The following CYBC1 variants were observed in gnomAD, a reference collection of about 807,000 sequenced individuals.
CYBC1 encodes essential for reactive oxygen species protein.
A neutral mutation model predicts 21.7 loss-of-function variants in CYBC1; 22 were observed. The observed-to-expected ratio is 1.02, with a 90% CI of 0.73 to 1.45. The LOEUF (loss-of-function observed/expected upper bound fraction) is 1.45, where lower values mean the gene tolerates loss of function less well. Ranked by LOEUF, CYBC1 falls within the 40% of genes most tolerant of loss-of-function variation. CYBC1 has a pLI of 0.00. For missense variants in CYBC1, 237 were observed against 242.1 expected (o/e 0.98, Z 0.14); for synonymous variants, 112 against 98.7 (o/e 1.13, Z -0.80).
In CYBC1 at chr17:82,445,858, A is replaced by T; in HGVS notation, c.298+6T>A. 6.2e-7 allele frequency: 1 copy of T among 1,606,160 alleles called. No homozygotes were observed. The highest frequency in any genetic ancestry group is 8.5e-7 in the Non-Finnish European group (1 of 1,175,972). On this transcript the variant is annotated splice_donor_region_variant and intron_variant, in intron 5 of 6. Transcript: ENST00000306645. ...GTCCCATGTCCCCACGCTCCCCACG[A>T]CTCACCCTGGTCGTGGCCAGCTCTG...
At chr17:82,447,284 C>T (rs1170467029) in intron 3 of CYBC1, 13 of 442,956 alleles carry the variant, frequency 2.9e-5, no homozygotes, top group Admixed American at 7.8e-5. Context: ...ACCCGGGAGG[C>T]GGAGCTTGCA....
At position 82,445,806 on chromosome 17, in the gene CYBC1, G is replaced by A. The variant is rs753355791; in HGVS notation, c.298+58C>T. On this transcript the variant is annotated intron_variant, in intron 5 of 6. Transcript: ENST00000306645. ...TCTAGGCCCCGTGAGTCACCCAGAC[G>A]CCCAAGTGCGCCGCCTCTGTGGCCG... The A allele has an allele frequency of 3.6e-5, 48 of 1,343,230 alleles. No individual in the cohort carries two copies. The South Asian group carries it at 3.8e-4, about 11-fold the overall frequency. 83.2% of individuals were successfully genotyped at this position (1,343,230 alleles called of 1,614,324 possible). A position where few individuals can be genotyped will look rare whatever the true frequency, so the allele number is the denominator to read the frequency against.
intron 4 of CYBC1, among the ~76,000 whole-genome samples, chr17:82,446,263 A>G (rs887473341): frequency 7.2e-5 from 11 of 152,194 alleles, no homozygotes; most frequent in Admixed American, 6.5e-4. Context: ...TGGAGGTCAG[A>G]GGGCAGCACT....
At position 82,444,135 on chromosome 17, in the gene CYBC1, C is replaced by G; in HGVS notation, c.444-11G>C. ...ATGGCTTCCACATCACTGGGCGAGG[C>G]CGGCAACGGGAGGAAGGTCAGGTCA... On this transcript the variant is annotated splice_polypyrimidine_tract_variant and intron_variant, in intron 6 of 6. Transcript: ENST00000306645. 6.2e-7 allele frequency: 1 copy of G among 1,607,016 alleles called. No homozygotes were observed. Among genetic ancestry groups the G allele is most frequent in the Non-Finnish European group, 8.5e-7 (1 of 1,175,180 alleles).
At position 82,442,678 on chromosome 17, in the gene CYBC1, C is replaced by T. The variant is rs2054036374; in HGVS notation, c.*1326G>A. On this transcript the variant is annotated 3_prime_UTR_variant, in exon 7 of 7. Coordinates refer to ENST00000306645, the MANE Select transcript of CYBC1 (RefSeq NM_001033046.4). This position sits in a 1 kb window ranked among gnomAD's most constrained non-coding sequence, Gnocchi z 6.8. ...AGGGTTATTTATGGTTATGATGACCCTGTCCTGCAACGAGGGACTGGCAGC... is the reference window on the plus strand; with the variant it reads ...AGGGTTATTTATGGTTATGATGACCTTGTCCTGCAACGAGGGACTGGCAGC... 1 of 1,327,086 alleles carries T rather than the reference C, an allele frequency of 7.5e-7. No homozygotes were observed. The highest frequency in any genetic ancestry group is 1.5e-5 in the African/African-American group (1 of 68,560). The allele number at this position is 1,327,086 out of a possible 1,614,324, so 82.2% of individuals were successfully genotyped here.
At chr17:82,449,395 T>G in intron 1 of CYBC1, 103 bp from the exon 2 acceptor site, 1 of 528,194 alleles carries the variant, frequency 1.9e-6, no homozygotes, top group Non-Finnish European at 3.2e-6. Context: ...CCCAACTAAG[T>G]CACCTGCAGC....
Position 82,442,612 on chromosome 17 carries a change from TTC to T in CYBC1, c.*1390_*1391del. ...TTGTGATCTGCATGTGTGACACTGATTCTTTGGAAATAAAGAGTGGAAGCTGC... is the reference window on the plus strand; with the variant it reads ...TTGTGATCTGCATGTGTGACACTGATTTTGGAAATAAAGAGTGGAAGCTGC... On this transcript the variant is annotated 3_prime_UTR_variant, in exon 7 of 7. Coordinates refer to ENST00000306645, the MANE Select transcript of CYBC1 (RefSeq NM_001033046.4). The surrounding 1 kb of genome is among the most constrained non-coding windows in gnomAD (Gnocchi z 6.8). 1 of 1,546,780 alleles carries T rather than the reference TTC, an allele frequency of 6.5e-7. No individual in the cohort carries two copies. Among genetic ancestry groups the T allele is most frequent in the Non-Finnish European group, 8.8e-7 (1 of 1,140,030 alleles).
Position 82,447,641 on chromosome 17 carries a change from G to A in CYBC1, c.86-20C>T, listed in dbSNP as rs200415083. The A allele has an allele frequency of 2.1e-4, 326 of 1,583,332 alleles. No individual in the cohort carries two copies. Among genetic ancestry groups the A allele is most frequent in the Non-Finnish European group, 2.5e-4 (294 of 1,166,630 alleles). Reference sequence around the variant, plus strand: ...AGATTCCTATGAAGAGAAAGTGACTGCCTGCCTATTGATCCCGGTAAGACC... The same window carrying A: ...AGATTCCTATGAAGAGAAAGTGACTACCTGCCTATTGATCCCGGTAAGACC... On this transcript the variant is annotated intron_variant, in intron 2 of 6. Coordinates refer to ENST00000306645, the MANE Select transcript of CYBC1 (RefSeq NM_001033046.4).
intron 2 of CYBC1, chr17:82,448,043 C>T (rs962422627): frequency 2.2e-5 from 6 of 269,108 alleles, no homozygotes; most frequent in Non-Finnish European, 4.3e-5. Context: ...CGTGGTGAGG[C>T]CTGAAGACTG....
chr17:82,444,317 C>T (rs1424754651), intron 6 of CYBC1, 130 bp downstream of exon 6: 49 of 1,451,526 alleles, frequency 3.4e-5, no homozygotes, highest in East Asian at 2.1e-4. Context: ...ACACGCTTCC[C>T]GTGGGCCCCT....
At position 82,443,320 on chromosome 17, in the gene CYBC1, C is replaced by T. The variant is rs561359195; in HGVS notation, c.*684G>A. On this transcript the variant is annotated 3_prime_UTR_variant, in exon 7 of 7. Coordinates refer to ENST00000306645, the MANE Select transcript of CYBC1 (RefSeq NM_001033046.4). This position sits in a 1 kb window ranked among gnomAD's most constrained non-coding sequence, Gnocchi z 6.7. ...GAGGAACAGAGAGACCTTTCTGTGA[C>T]GACCGCTGGGGCAGAGTGGTCTATG... The T allele has an allele frequency of 1.0e-4, 41 of 399,496 alleles. 1 individual carries two copies. Among genetic ancestry groups the T allele is most frequent in the East Asian group, 5.8e-4 (10 of 17,274 alleles). 24.7% of individuals were successfully genotyped at this position (399,496 alleles called of 1,614,324 possible).
At chr17:82,445,646 A>C in intron 5 of CYBC1, 2 of 500,952 alleles carry the variant, frequency 4.0e-6, no homozygotes, top group Non-Finnish European at 7.2e-6. Flanking sequence ...CCTCTAAAGA[A>C]CCCAGGAGGC....
At position 82,443,504 on chromosome 17, in the gene CYBC1, C is replaced by T. The variant is rs1291688839; in HGVS notation, c.*500G>A. ...CTGGGGATGTCCACCAGGGAGAGGA[C>T]GCTGTGTCGGGGACAACATGCAGCA... On this transcript the variant is annotated 3_prime_UTR_variant, in exon 7 of 7. Coordinates refer to ENST00000306645, the MANE Select transcript of CYBC1 (RefSeq NM_001033046.4). The surrounding 1 kb of genome is among the most constrained non-coding windows in gnomAD (Gnocchi z 6.7). The T allele has an allele frequency of 8.6e-6, 6 of 697,430 alleles. No homozygotes were observed. The highest frequency in any genetic ancestry group is 2.0e-5 in the Admixed American group (1 of 49,790). 43.2% of individuals were successfully genotyped at this position (697,430 alleles called of 1,614,324 possible).
Position 82,443,893 on chromosome 17 carries a change from G to C in CYBC1, c.*111C>G. On this transcript the variant is annotated 3_prime_UTR_variant, in exon 7 of 7. Transcript: ENST00000306645. The surrounding 1 kb of genome is among the most constrained non-coding windows in gnomAD (Gnocchi z 6.7). Reference sequence around the variant, plus strand: ...GTCCTGTGGGCGGTGCACGGGCTCAGGCACACCGGGAATGTGCCACGGGTC... The same window carrying C: ...GTCCTGTGGGCGGTGCACGGGCTCACGCACACCGGGAATGTGCCACGGGTC... 1 of 636,314 alleles carries C rather than the reference G, an allele frequency of 1.6e-6. No homozygotes were observed. Among genetic ancestry groups the C allele is most frequent in the Non-Finnish European group, 2.7e-6 (1 of 365,116 alleles). 39.4% of individuals were successfully genotyped at this position (636,314 alleles called of 1,614,324 possible).
chr17:82,444,536 C>G lies in CYBC1; in HGVS notation c.354G>C (p.Arg118=). 6.2e-7 allele frequency: 1 copy of G among 1,613,942 alleles called. No homozygotes were observed. Among genetic ancestry groups the G allele is most frequent in the Non-Finnish European group, 8.5e-7 (1 of 1,179,924 alleles). Residue 118 remains arginine, a synonymous_variant, in exon 6 of 7, where the codon CGG becomes CGC. Transcript: ENST00000306645. ...RDVSVEEEKV[R]YFGKGYMVVL... ...CCACCATGTAGCCTTTCCCGAAGTA[C>G]CGGACCTTCTCCTCCTCCACGCTCA...
At chr17:82,449,866 T>A (rs1450067251) in intron 1 of CYBC1, 1 of 152,250 alleles carries the variant, frequency 6.6e-6, no homozygotes, top group African/African-American at 2.4e-5. Flanking sequence ...CACAGCGGAG[T>A]TCCGCACGGG....
In CYBC1 at chr17:82,445,853, C is replaced by G. The variant is rs376702130; in HGVS notation, c.298+11G>C. 2 of 1,603,018 alleles carry G rather than the reference C, an allele frequency of 1.2e-6. No homozygotes were observed. The highest frequency in any genetic ancestry group is 2.7e-5 in the African/African-American group (2 of 74,750). On this transcript the variant is annotated intron_variant, in intron 5 of 6. Transcript: ENST00000306645. ...GCCGTGTCCCATGTCCCCACGCTCCCCACGACTCACCCTGGTCGTGGCCAG... is the reference window on the plus strand; with the variant it reads ...GCCGTGTCCCATGTCCCCACGCTCCGCACGACTCACCCTGGTCGTGGCCAG...
chr17:82,444,779 G>T, intron 5 of CYBC1, 188 bp from the exon 6 acceptor site: 1 of 686,168 alleles, frequency 1.5e-6, no homozygotes, highest in African/African-American at 1.8e-5. Context: ...AGGGTCCTCT[G>T]GGTGGGAAGG....
chr17:82,447,542 G>A (rs777354845), intron 3 of CYBC1, 38 bp downstream of exon 3: 13 of 979,134 alleles, frequency 1.3e-5, no homozygotes, highest in Non-Finnish European at 1.9e-5. Context: ...CCAAACAGCT[G>A]AGACAGTCAT....
Sources: gnomAD v4.1 joint callset for allele counts (sites outside exome capture counted in the v4.1 genomes callset) on GRCh38, gnomAD v4.1.1 for gene constraint, Gnocchi (gnomAD v3.1) non-coding constraint, MANE v1.5 for transcripts, NCBI Gene and HGNC (gene_info 2026-07-23, HGNC 2026-07-21) for gene names.